Variants in PCCB observed in about 807,000 individuals in gnomAD.
The protein encoded by PCCB is propionyl-CoA carboxylase beta chain, mitochondrial.
In PCCB, 43 loss-of-function variants were observed where a neutral mutation model predicts 60.7. The ratio of observed to expected loss-of-function variants is 0.71; its 90% CI spans 0.55 to 0.91. PCCB has a LOEUF of 0.91. Among genes scored for constraint, PCCB ranks in the 40% least tolerant of loss-of-function variants. The pLI is 0.00. For missense variants in PCCB, 766 were observed against 702.8 expected (o/e 1.09, Z -1.02); for synonymous variants, 276 against 255.9 (o/e 1.08, Z -0.75).
At chr3:136,293,455 C>T (rs940114470) in intron 6 of PCCB, among the ~76,000 whole-genome samples, 1 of 152,320 alleles carries the variant, frequency 6.6e-6, no homozygotes, top group East Asian at 1.9e-4. Context: ...TCTTGGTGCA[C>T]AGCAAGCTCT....
At position 136,330,141 on chromosome 3, in the gene PCCB, A is replaced by G; in HGVS notation, c.*115A>G. ...TCCAAATAGTTGGATAACTTAGAAT[A>G]ACTAAGTTTATTAAATTCTAGAAAG... On this transcript the variant is annotated 3_prime_UTR_variant, in exon 15 of 15. Coordinates refer to ENST00000251654, the MANE Select transcript of PCCB (RefSeq NM_000532.5). 1 of 1,561,016 alleles carries G rather than the reference A, an allele frequency of 6.4e-7. No homozygotes were observed.
At chr3:136,295,093 A>G (rs865955941) in intron 7 of PCCB, among the ~76,000 whole-genome samples, 1 of 152,220 alleles carries the variant, frequency 6.6e-6, no homozygotes, top group African/African-American at 2.4e-5. Context: ...TTGCAATTCC[A>G]TGTTTTCCTG....
chr3:136,279,989 T>A (rs1402083606), intron 5 of PCCB, among the ~76,000 whole-genome samples: 3 of 152,260 alleles, frequency 2.0e-5, no homozygotes, highest in African/African-American at 7.2e-5. Flanking sequence ...TTGTAAATTT[T>A]ATTTTTTGTG....
intron 10 of PCCB, among the ~76,000 whole-genome samples, chr3:136,319,835 G>A (rs1935048736): frequency 6.6e-6 from 1 of 152,168 alleles, no homozygotes; most frequent in Admixed American, 6.5e-5. Context: ...GAGTATTACG[G>A]TTTTAGCCCT....
intron 10 of PCCB, among the ~76,000 whole-genome samples, 181 bp downstream of exon 10, chr3:136,317,245 A>G (rs1167681579): frequency 2.2e-5 from 1 of 45,104 alleles, no homozygotes; most frequent in African/African-American, 5.6e-5. Context: ...TTTTTTTTAG[A>G]CAGGGTCTTA....
chr3:136,293,959 ATTGGCAGACC>A (rs1933820155), intron 7 of PCCB, 95 bp downstream of exon 7: 1 of 769,108 alleles, frequency 1.3e-6, no homozygotes, highest in Non-Finnish European at 2.3e-6. Flanking sequence ...ATATTACTTA[ATTGGCAGACC>A]TTATTTGGGA....
At chr3:136,290,897 G>T (rs1279379013) in intron 6 of PCCB, among the ~76,000 whole-genome samples, 2 of 149,614 alleles carry the variant, frequency 1.3e-5, no homozygotes, top group East Asian at 3.9e-4. Context: ...TGTTTTTTTT[G>T]ATCCATTTTT....
At position 136,317,075 on chromosome 3, in the gene PCCB, G is replaced by A; in HGVS notation, c.1090+11G>A. The A allele has an allele frequency of 1.2e-6, 2 of 1,614,068 alleles. No homozygotes were observed. The highest frequency in any genetic ancestry group is 1.1e-5 in the South Asian group (1 of 91,074). On this transcript the variant is annotated intron_variant, in intron 10 of 14. Coordinates refer to ENST00000251654, the MANE Select transcript of PCCB (RefSeq NM_000532.5). ...CTAAGGTGGCCTCAGGTAGGATGGA[G>A]CTCTTATAAGCCTTGGTTTTGGGGT...
intron 5 of PCCB, among the ~76,000 whole-genome samples, chr3:136,279,968 T>C (rs1418327203): frequency 6.6e-6 from 1 of 152,220 alleles, no homozygotes; most frequent in Non-Finnish European, 1.5e-5. Flanking sequence ...GCCCGGCCTT[T>C]TTATTTATTT....
intron 1 of PCCB, chr3:136,252,480 C>T (rs1280262603): frequency 2.9e-6 from 1 of 350,818 alleles, no homozygotes; most frequent in Non-Finnish European, 5.6e-6. Flanking sequence ...CTCCTGACCT[C>T]AGGTGATCCA....
chr3:136,293,970 T>C, intron 7 of PCCB, 106 bp downstream of exon 7: 1 of 737,418 alleles, frequency 1.4e-6, no homozygotes, highest in Non-Finnish European at 2.5e-6. Context: ...TTGGCAGACC[T>C]TATTTGGGAA....
chr3:136,256,955 A>G (rs1375451678), intron 3 of PCCB, among the ~76,000 whole-genome samples: 4 of 152,174 alleles, frequency 2.6e-5, no homozygotes, highest in Non-Finnish European at 5.9e-5. Flanking sequence ...TATGTGGACT[A>G]GAGAGAGTGC....
At chr3:136,326,175 A>C (rs1338900807) in intron 10 of PCCB, 4 of 572,360 alleles carry the variant, frequency 7.0e-6, no homozygotes, top group African/African-American at 5.6e-5. Flanking sequence ...AAAATTTTTC[A>C]TTTATGTTTT....
At chr3:136,267,774 G>A (rs373403739) in intron 5 of PCCB, among the ~76,000 whole-genome samples, 2 of 151,884 alleles carry the variant, frequency 1.3e-5, no homozygotes, top group Admixed American at 6.6e-5. Context: ...GGCATGAGCC[G>A]ATGTGCCCAG....
chr3:136,326,251 T>G (rs1935304276), intron 10 of PCCB: 1 of 685,978 alleles, frequency 1.5e-6, no homozygotes, highest in African/African-American at 1.8e-5. Flanking sequence ...ACTGGTCTCA[T>G]AGAATTAAGT....
At chr3:136,250,895 A>G (rs1344045066) in intron 1 of PCCB, among the ~76,000 whole-genome samples, 1 of 152,210 alleles carries the variant, frequency 6.6e-6, no homozygotes, top group African/African-American at 2.4e-5. Flanking sequence ...GTGTATCGTT[A>G]GACCATAGAT....
intron 5 of PCCB, among the ~76,000 whole-genome samples, chr3:136,269,082 A>G (rs1443579781): frequency 6.6e-6 from 1 of 152,028 alleles, no homozygotes; most frequent in Non-Finnish European, 1.5e-5. Flanking sequence ...CAAGTTCGAG[A>G]CTAGCCTGGC....
intron 11 of PCCB, 60 bp from the exon 12 acceptor site, chr3:136,327,095 G>C (rs1320671998): frequency 6.8e-7 from 1 of 1,480,628 alleles, no homozygotes; most frequent in African/African-American, 1.4e-5. Context: ...TCACAGCTGA[G>C]AGTGGCAGGA....
At chr3:136,288,991 A>G (rs1432031687) in intron 6 of PCCB, among the ~76,000 whole-genome samples, 2 of 151,936 alleles carry the variant, frequency 1.3e-5, no homozygotes, top group Admixed American at 1.3e-4. Flanking sequence ...TTGTAGAGAC[A>G]GGGTTTCACC....
Sources: allele counts gnomAD v4.1 joint callset (sites outside exome capture counted in the v4.1 genomes callset), GRCh38; gene constraint gnomAD v4.1.1; transcripts MANE v1.5; gene names NCBI Gene and HGNC (gene_info 2026-07-23, HGNC 2026-07-21).